FSIP1: variants seen among roughly 807,000 people sequenced by gnomAD.
The protein encoded by FSIP1 is fibrous sheath interacting protein 1.
In FSIP1, 65 loss-of-function variants were observed where a neutral mutation model predicts 60.9. That is an observed-to-expected ratio of 1.07 (90% CI 0.87 to 1.31). The LOEUF (loss-of-function observed/expected upper bound fraction) is 1.31, where lower values mean the gene tolerates loss of function less well. Among genes scored for constraint, FSIP1 ranks in the 40% most tolerant of loss-of-function variants. The pLI, the probability that FSIP1 is intolerant of heterozygous loss-of-function variation, is 0.00. For missense variants in FSIP1, 675 were observed against 665.5 expected (o/e 1.01, Z -0.16); for synonymous variants, 209 against 221.2 (o/e 0.94, Z 0.49).
chr15:39,644,078 A>G (rs1008299672), intron 10 of FSIP1, among the ~76,000 whole-genome samples: 1 of 152,228 alleles, frequency 6.6e-6, no homozygotes, highest in Non-Finnish European at 1.5e-5. Flanking sequence ...CACTTAAAAT[A>G]TTCTGTCAGA....
intron 10 of FSIP1, among the ~76,000 whole-genome samples, chr15:39,625,751 C>G (rs1298426346): frequency 1.3e-5 from 2 of 152,146 alleles, no homozygotes; most frequent in African/African-American, 4.8e-5. Flanking sequence ...AAAGCCTGGC[C>G]AGGAGATGAG....
intron 8 of FSIP1, among the ~76,000 whole-genome samples, chr15:39,733,227 C>T (rs573407255): frequency 6.6e-5 from 10 of 152,242 alleles, no homozygotes; most frequent in African/African-American, 2.4e-4. Context: ...GATGGGGTTT[C>T]GCCATATTGG....
At chr15:39,708,336 ACT>A (rs1239024343) in intron 10 of FSIP1, among the ~76,000 whole-genome samples, 1 of 151,754 alleles carries the variant, frequency 6.6e-6, no homozygotes, top group Non-Finnish European at 1.5e-5. Flanking sequence ...ATACTTCAAC[ACT>A]CTCTCTACCC....
intron 4 of FSIP1, 67 bp downstream of exon 4, chr15:39,765,525 T>G: frequency 1.6e-6 from 2 of 1,241,934 alleles, no homozygotes; most frequent in Non-Finnish European, 2.2e-6. Context: ...ATTACAGGTG[T>G]GAGCCACCAT....
intron 9 of FSIP1, among the ~76,000 whole-genome samples, chr15:39,715,688 T>C (rs1895711596): frequency 6.6e-6 from 1 of 152,162 alleles, no homozygotes; most frequent in Non-Finnish European, 1.5e-5. Context: ...CCAAATCTCA[T>C]GTCGAATTGT....
chr15:39,660,230 G>A (rs900367322), intron 10 of FSIP1, among the ~76,000 whole-genome samples: 6 of 152,176 alleles, frequency 3.9e-5, no homozygotes, highest in African/African-American at 1.4e-4. Context: ...GCTAGAGAGG[G>A]TGAAGAAAGG....
Position 39,695,956 on chromosome 15 carries a change from G to A in FSIP1, c.1188+17488C>T, listed in dbSNP as rs370905845. ...AGATTAGCAGCAAACTTCAAAGGTA[G>A]TAGCAGGCGCTTTCGCAAGAACATA... On this transcript the variant is annotated intron_variant, in intron 10 of 11. Transcript: ENST00000350221. Among the ~76,000 whole-genome samples, 532 of 152,354 alleles carry A rather than the reference G, an allele frequency of 3.5e-3. 3 individuals are homozygous for A. The highest frequency in any genetic ancestry group is 0.012 in the African/African-American group (508 of 41,580).
At chr15:39,637,784 T>A (rs992220469) in intron 10 of FSIP1, among the ~76,000 whole-genome samples, 1 of 151,788 alleles carries the variant, frequency 6.6e-6, no homozygotes, top group Non-Finnish European at 1.5e-5. Flanking sequence ...AAATCATATG[T>A]AAGGCAACCA....
At position 39,722,166 on chromosome 15, in the gene FSIP1, G is replaced by A. The variant is rs577375369; in HGVS notation, c.1050+4423C>T. ...CTCACAGTAGTGTGAACCCTATCAT[G>A]AACTGCACATGCAAGGGATCTAGGT... On this transcript the variant is annotated intron_variant, in intron 9 of 11. Transcript: ENST00000350221. Among the ~76,000 whole-genome samples the A allele has an allele frequency of 4.7e-4, 71 of 152,104 alleles. 1 individual carries two copies. Among genetic ancestry groups the A allele is most frequent in the African/African-American group, 1.6e-3 (68 of 41,482 alleles).
intron 11 of FSIP1, among the ~76,000 whole-genome samples, chr15:39,608,644 A>G (rs1401371573): frequency 6.6e-6 from 1 of 152,198 alleles, no homozygotes; most frequent in Admixed American, 6.5e-5. Flanking sequence ...AAGAAAGCAA[A>G]CCACACCCAT....
chr15:39,745,098 C>T (rs1436573108), intron 5 of FSIP1, among the ~76,000 whole-genome samples: 1 of 131,876 alleles, frequency 7.6e-6, no homozygotes, highest in Non-Finnish European at 1.6e-5. Flanking sequence ...GCCACCCCGC[C>T]CCCCACCCCG....
At chr15:39,601,015 T>A (rs1890619882) in intron 11 of FSIP1, 89 bp from the exon 12 acceptor site, 7 of 1,012,350 alleles carry the variant, frequency 6.9e-6, no homozygotes, top group African/African-American at 1.6e-5. Context: ...AAATATTAAA[T>A]CCCTTTACAC....
intron 5 of FSIP1, among the ~76,000 whole-genome samples, chr15:39,760,668 TGGA>T (rs1362307817): frequency 6.6e-6 from 1 of 152,116 alleles, no homozygotes; most frequent in African/African-American, 2.4e-5. Flanking sequence ...TATCACAGAT[TGGA>T]GGAGATTAAG....
At chr15:39,630,592 T>C (rs1167282890) in intron 10 of FSIP1, among the ~76,000 whole-genome samples, 1 of 152,208 alleles carries the variant, frequency 6.6e-6, no homozygotes, top group Non-Finnish European at 1.5e-5. Context: ...ACAGTATTTA[T>C]TCCATTTACC....
intron 10 of FSIP1, among the ~76,000 whole-genome samples, chr15:39,662,863 A>G (rs1438918823): frequency 6.6e-6 from 1 of 152,184 alleles, no homozygotes; most frequent in Non-Finnish European, 1.5e-5. Flanking sequence ...TATATAAACG[A>G]ATATAATGTC....
intron 10 of FSIP1, among the ~76,000 whole-genome samples, chr15:39,654,257 C>A (rs1397488818): frequency 6.6e-6 from 1 of 152,166 alleles, no homozygotes; most frequent in African/African-American, 2.4e-5. Flanking sequence ...CTGTCAAGTA[C>A]ATACTATGCA....
chr15:39,644,056 G>GA (rs1892485096), intron 10 of FSIP1, among the ~76,000 whole-genome samples: 1 of 152,174 alleles, frequency 6.6e-6, no homozygotes, highest in African/African-American at 2.4e-5. Context: ...TTCCTTAGCT[G>GA]AAACTCTCTA....
intron 2 of FSIP1, among the ~76,000 whole-genome samples, chr15:39,772,516 A>G (rs1897922383): frequency 6.6e-6 from 1 of 151,900 alleles, no homozygotes. Context: ...GCTGGTCTCA[A>G]ACTCCTGGGC....
chr15:39,717,922 CTAAT>C (rs1423207806), intron 9 of FSIP1, among the ~76,000 whole-genome samples: 1 of 152,218 alleles, frequency 6.6e-6, no homozygotes, highest in African/African-American at 2.4e-5. Context: ...AGTTAGGAAA[CTAAT>C]TACCGCTCAA....
Sources: gnomAD v4.1 joint callset for allele counts (sites outside exome capture counted in the v4.1 genomes callset) on GRCh38, gnomAD v4.1.1 for gene constraint, MANE v1.5 for transcripts, NCBI Gene and HGNC (gene_info 2026-07-23, HGNC 2026-07-21) for gene names.